Variants in MYO1E observed in about 807,000 individuals in gnomAD.
The protein encoded by MYO1E is myosin IE.
MYO1E carries 68 observed loss-of-function variants against 151.1 expected under a neutral mutation model. The ratio of observed to expected loss-of-function variants is 0.45; its 90% confidence interval spans 0.37 to 0.55. The LOEUF (loss-of-function observed/expected upper bound fraction) is 0.55. Ranked by LOEUF, MYO1E falls within the 20% of genes least tolerant of loss-of-function variation. The pLI is 0.00. For synonymous variants in MYO1E, 601 were observed against 501.7 expected (o/e 1.20, Z -2.64); for missense variants, 1,363 against 1,389.3 (o/e 0.98, Z 0.30).
intron 26 of MYO1E, among the ~76,000 whole-genome samples, chr15:59,147,356 T>A (rs1249828486): frequency 6.6e-6 from 1 of 151,912 alleles, no homozygotes; most frequent in Admixed American, 6.6e-5. Flanking sequence ...TCCCAGCAGT[T>A]TGGGAGGCTG....
chr15:59,272,256 G>T, intron 2 of MYO1E, 50 bp downstream of exon 2: 1 of 1,602,654 alleles, frequency 6.2e-7, no homozygotes, highest in Non-Finnish European at 8.5e-7. Context: ...ATTTAACTGT[G>T]GACACTGTAA....
At position 59,372,775 on chromosome 15, in the gene MYO1E, C is replaced by T. The variant is rs2080956465; in HGVS notation, c.-275G>A. 1.9e-6 allele frequency: 1 copy of T among 538,946 alleles called. No individual in the cohort carries two copies. The highest frequency in any genetic ancestry group is 3.4e-5 in the Admixed American group (1 of 29,482). The allele number at this position is 538,946 out of a possible 1,614,324, so 33.4% of individuals were successfully genotyped here. A position where few individuals can be genotyped will look rare whatever the true frequency, so the allele number is the denominator to read the frequency against. ...ACTCGTACTCGCCGGTCGCCGCCGG[C>T]CCAGGTGAGTCCGATGCGCTCGGAG... On this transcript the variant is annotated 5_prime_UTR_variant, in exon 1 of 28. Transcript: ENST00000288235.
chr15:59,318,075 T>C (rs1229962443), intron 1 of MYO1E, among the ~76,000 whole-genome samples: 1 of 152,216 alleles, frequency 6.6e-6, no homozygotes, highest in East Asian at 1.9e-4. Flanking sequence ...ACTGAGGATA[T>C]TTAATCAAGA....
chr15:59,290,613 C>T (rs769561669), intron 1 of MYO1E, among the ~76,000 whole-genome samples: 2 of 152,212 alleles, frequency 1.3e-5, no homozygotes, highest in African/African-American at 2.4e-5. Context: ...AGGTAATAGA[C>T]TGTGACTTTC....
At chr15:59,360,387 G>A (rs1485434311) in intron 1 of MYO1E, among the ~76,000 whole-genome samples, 1 of 152,088 alleles carries the variant, frequency 6.6e-6, no homozygotes, top group Non-Finnish European at 1.5e-5. Flanking sequence ...GTCTGTGTGT[G>A]GAATGTCTTT....
intron 1 of MYO1E, among the ~76,000 whole-genome samples, chr15:59,369,662 A>G (rs2080933725): frequency 6.6e-6 from 1 of 152,202 alleles, no homozygotes; most frequent in Non-Finnish European, 1.5e-5. Context: ...GACACAAGTA[A>G]CTATTGCCTG....
At position 59,278,724 on chromosome 15, in the gene MYO1E, G is replaced by A. The variant is rs559541346; in HGVS notation, c.4-6275C>T. Among the ~76,000 whole-genome samples the A allele has an allele frequency of 1.9e-4, 29 of 152,286 alleles. 2 individuals carry two copies. In the South Asian group the frequency reaches 5.2e-3, roughly 27 times the overall value. On this transcript the variant is annotated intron_variant, in intron 1 of 27. Coordinates refer to ENST00000288235, the MANE Select transcript of MYO1E (RefSeq NM_004998.4). ...GAGGAAAAAGTGTTCCTGAAACAGT[G>A]CATGGGGGACAGGGTAGTCAGTAGC...
chr15:59,353,365 A>G (rs1301944138), intron 1 of MYO1E, among the ~76,000 whole-genome samples: 1 of 141,732 alleles, frequency 7.1e-6, no homozygotes, highest in Non-Finnish European at 1.5e-5. Context: ...TCAAAAAAAA[A>G]AAAAAAAAGA....
intron 1 of MYO1E, among the ~76,000 whole-genome samples, chr15:59,321,355 T>C (rs576028750): frequency 2.0e-5 from 3 of 152,170 alleles, no homozygotes; most frequent in Admixed American, 2.0e-4. Context: ...GAAAATAAAT[T>C]GTTCTACCAA....
At chr15:59,259,020 C>T (rs1171699805) in intron 3 of MYO1E, among the ~76,000 whole-genome samples, 1 of 151,020 alleles carries the variant, frequency 6.6e-6, no homozygotes, top group South Asian at 2.1e-4. Context: ...TGGTCTTGAA[C>T]TCCTGGGCTC....
intron 1 of MYO1E, among the ~76,000 whole-genome samples, chr15:59,278,000 TGTGTTAGTAAA>T (rs2080331158): frequency 6.6e-6 from 1 of 152,208 alleles, no homozygotes; most frequent in Admixed American, 6.5e-5. Context: ...ATCATATGCA[TGTGTTAGTAAA>T]ATCTTAAAAT....
At chr15:59,151,889 TACACACACAC>T (rs34550013) in intron 26 of MYO1E, among the ~76,000 whole-genome samples, 6 of 147,156 alleles carry the variant, frequency 4.1e-5, no homozygotes, top group East Asian at 2.0e-4. Context: ...TCTACAAAAA[TACACACACAC>T]ACACACACAC....
rs1427830242 is a variant in MYO1E at position 59,202,358 on chromosome 15, CT to C, written c.1665del (p.Arg557AlafsTer9). 2 of 1,614,112 alleles carry C rather than the reference CT, an allele frequency of 1.2e-6. No individual in the cohort carries two copies. The highest frequency in any genetic ancestry group is 1.7e-6 in the Non-Finnish European group (2 of 1,179,974). ...TTGCTTCCGGCAGTAGTTGGGCGCC[CT>C]TTCTTGTCAGCCTGCAGATTTTCCG... ...LFPENLQADK[K>X]GRPTTAGSKI... On this transcript the variant is annotated frameshift_variant, in exon 16 of 28. Transcript: ENST00000288235. LOFTEE classifies it high-confidence loss of function.
intron 1 of MYO1E, among the ~76,000 whole-genome samples, chr15:59,302,465 G>A (rs762522181): frequency 3.9e-5 from 6 of 152,276 alleles, no homozygotes; most frequent in African/African-American, 4.8e-5. Context: ...ACTTAAGGCC[G>A]CTTAGTCTCA....
chr15:59,191,326 C>CAGAGAGAGAGAGAG (rs2079731565), intron 17 of MYO1E, among the ~76,000 whole-genome samples: 1 of 85,790 alleles, frequency 1.2e-5, no homozygotes, highest in African/African-American at 8.4e-5. Flanking sequence ...GTCAGACAGA[C>CAGAGAGAGAGAGAG]AGAGACAGAG....
chr15:59,151,003 G>C (rs1596342541), intron 26 of MYO1E, among the ~76,000 whole-genome samples: 1 of 139,708 alleles, frequency 7.2e-6, no homozygotes, highest in Non-Finnish European at 1.5e-5. Flanking sequence ...GAAGGGAAGA[G>C]GAGAGGGACA....
chr15:59,371,103 G>T (rs181736722), intron 1 of MYO1E, among the ~76,000 whole-genome samples: 3 of 152,226 alleles, frequency 2.0e-5, no homozygotes, highest in Non-Finnish European at 2.9e-5. Flanking sequence ...ACTTAATTTT[G>T]GACTATGTAA....
chr15:59,328,690 G>C (rs17236578), intron 1 of MYO1E, among the ~76,000 whole-genome samples: 23,557 of 152,056 alleles, frequency 0.15, 2,115 homozygotes, highest in East Asian at 0.24. Context: ...CTGTGTGGAG[G>C]GGACCTCATC....
intron 18 of MYO1E, among the ~76,000 whole-genome samples, chr15:59,186,710 C>T (rs1390938616): frequency 3.9e-5 from 6 of 152,192 alleles, no homozygotes; most frequent in Non-Finnish European, 8.8e-5. Flanking sequence ...TATGATTGCA[C>T]CACTGCACTC....
Sources: allele counts gnomAD v4.1 joint callset (sites outside exome capture counted in the v4.1 genomes callset), GRCh38; gene constraint gnomAD v4.1.1; transcripts MANE v1.5; gene names NCBI Gene and HGNC (gene_info 2026-07-23, HGNC 2026-07-21).